Variants in CCDC192 observed in about 807,000 individuals in gnomAD.
CCDC192 encodes coiled-coil domain containing 192.
At chr5:127,818,602 A>G (rs1308506205) in intron 5 of CCDC192, among the ~76,000 whole-genome samples, 1 of 152,178 alleles carries the variant, frequency 6.6e-6, no homozygotes, top group Admixed American at 6.5e-5. Flanking sequence ...AAAAATTACT[A>G]TGAGAATTCA....
intron 3 of CCDC192, among the ~76,000 whole-genome samples, chr5:127,772,252 G>T (rs1755597599): frequency 6.6e-6 from 1 of 152,072 alleles, no homozygotes; most frequent in Non-Finnish European, 1.5e-5. Flanking sequence ...CTTGAGATCA[G>T]GAGTTCAAGA....
At chr5:127,762,059 T>G (rs552299057) in intron 3 of CCDC192, among the ~76,000 whole-genome samples, 2 of 134,128 alleles carry the variant, frequency 1.5e-5, no homozygotes, top group South Asian at 5.0e-4. Context: ...AAATGCTCTG[T>G]TTTTTTTTCA....
chr5:127,931,917 C>T (rs566665048), intron 6 of CCDC192, among the ~76,000 whole-genome samples: 18 of 151,940 alleles, frequency 1.2e-4, no homozygotes, highest in East Asian at 7.8e-4. Flanking sequence ...TTTGGGAGGC[C>T]GAGGCAGGTG....
chr5:127,743,710 A>T (rs1392728430), intron 2 of CCDC192, among the ~76,000 whole-genome samples: 1 of 152,200 alleles, frequency 6.6e-6, no homozygotes, highest in Non-Finnish European at 1.5e-5. Flanking sequence ...AACACAGAGG[A>T]ATACTGTTTT....
At chr5:127,772,634 T>G (rs1033993362) in intron 3 of CCDC192, among the ~76,000 whole-genome samples, 7 of 152,158 alleles carry the variant, frequency 4.6e-5, no homozygotes, top group Non-Finnish European at 8.8e-5. Context: ...CTGTGCATCT[T>G]TTTAAAAATC....
chr5:127,908,883 G>T (rs1036484502), intron 6 of CCDC192, among the ~76,000 whole-genome samples: 3 of 152,088 alleles, frequency 2.0e-5, no homozygotes, highest in African/African-American at 7.2e-5. Flanking sequence ...AAGAAAAAAT[G>T]ATTTTCTCAG....
rs1316345141 is a variant in CCDC192, at chr5:127,860,349, C to A, written c.412-15189C>A. Among the ~76,000 whole-genome samples, 5 of 152,194 alleles carry A rather than the reference C, an allele frequency of 3.3e-5. No individual in the cohort carries two copies. The Middle Eastern group carries it at 0.01, about 311-fold the overall frequency. On this transcript the variant is annotated intron_variant, in intron 5 of 6. Coordinates refer to ENST00000514853, the MANE Select transcript of CCDC192 (RefSeq NM_001317938.2). ...ACAAGCTCTTTCTAATGAGCTGTATCCTCTCTTAAAATTTTCTCTGCTTTG... is the reference window on the plus strand; with the variant it reads ...ACAAGCTCTTTCTAATGAGCTGTATACTCTCTTAAAATTTTCTCTGCTTTG...
intron 3 of CCDC192, among the ~76,000 whole-genome samples, chr5:127,761,904 T>A (rs572651805): frequency 6.6e-6 from 1 of 152,336 alleles, no homozygotes; most frequent in East Asian, 1.9e-4. Flanking sequence ...ACTCCCATTA[T>A]TTCTCTCTTA....
At chr5:127,938,548 A>G (rs1407328609) in intron 6 of CCDC192, among the ~76,000 whole-genome samples, 5 of 152,228 alleles carry the variant, frequency 3.3e-5, no homozygotes, top group Non-Finnish European at 5.9e-5. Flanking sequence ...CCACAAATGC[A>G]AGCCATGTAT....
intron 3 of CCDC192, among the ~76,000 whole-genome samples, chr5:127,768,822 T>G (rs1755384000): frequency 6.6e-6 from 1 of 152,258 alleles, no homozygotes; most frequent in Non-Finnish European, 1.5e-5. Context: ...TTCTGTGAGC[T>G]AAATCTACAT....
intron 5 of CCDC192, among the ~76,000 whole-genome samples, chr5:127,802,400 G>A (rs1185871860): frequency 2.0e-5 from 3 of 151,962 alleles, no homozygotes; most frequent in African/African-American, 7.2e-5. Flanking sequence ...GTTGACAATG[G>A]GGACCTGACC....
intron 6 of CCDC192, among the ~76,000 whole-genome samples, chr5:127,902,444 A>C (rs1479124772): frequency 6.6e-6 from 1 of 152,216 alleles, no homozygotes; most frequent in Admixed American, 6.5e-5. Context: ...ACAAACAAAA[A>C]ACCAAAAAAA....
intron 5 of CCDC192, among the ~76,000 whole-genome samples, chr5:127,812,666 A>G (rs978043848): frequency 2.6e-5 from 4 of 152,152 alleles, no homozygotes; most frequent in Admixed American, 2.6e-4. Context: ...TCTGTGCACG[A>G]GGAGAGCATG....
intron 6 of CCDC192, among the ~76,000 whole-genome samples, chr5:127,888,506 C>T (rs930565672): frequency 1.3e-5 from 2 of 151,786 alleles, no homozygotes; most frequent in African/African-American, 4.8e-5. Context: ...GAAATCAGGA[C>T]CATGCTCCTG....
At chr5:127,898,845 A>ATTCTGTACTT (rs1276333364) in intron 6 of CCDC192, among the ~76,000 whole-genome samples, 1 of 152,054 alleles carries the variant, frequency 6.6e-6, no homozygotes, top group East Asian at 1.9e-4. Context: ...CTTAGGACAA[A>ATTCTGTACTT]AGTATGGTGT....
intron 6 of CCDC192, among the ~76,000 whole-genome samples, chr5:127,896,206 A>G (rs76024309): frequency 6.6e-6 from 1 of 152,134 alleles, no homozygotes; most frequent in African/African-American, 2.4e-5. Context: ...TGAGAGGTCC[A>G]GGCAGGAGGA....
At chr5:127,911,376 G>A (rs7723029) in intron 6 of CCDC192, among the ~76,000 whole-genome samples, 31,256 of 152,040 alleles carry the variant, frequency 0.21, 3,350 homozygotes, top group East Asian at 0.32. Context: ...AGCTAAACCT[G>A]CTGTTGGTAT....
chr5:127,737,778 G>T (rs1251775843), intron 2 of CCDC192, among the ~76,000 whole-genome samples: 1 of 151,668 alleles, frequency 6.6e-6, no homozygotes, highest in African/African-American at 2.4e-5. Context: ...TTTTCCATTT[G>T]CTTGGTAGAT....
intron 5 of CCDC192, among the ~76,000 whole-genome samples, chr5:127,867,794 A>T (rs974562277): frequency 6.6e-6 from 1 of 152,170 alleles, no homozygotes; most frequent in Non-Finnish European, 1.5e-5. Context: ...AATATGAAAA[A>T]TTATTTATTG....
Sources: allele counts gnomAD v4.1 joint callset (sites outside exome capture counted in the v4.1 genomes callset), GRCh38; gene constraint gnomAD v4.1.1; transcripts MANE v1.5; gene names NCBI Gene and HGNC (gene_info 2026-07-23, HGNC 2026-07-21).